Variants in SLAIN2 observed in about 807,000 individuals in gnomAD.
SLAIN2 encodes SLAIN family member 2.
A neutral mutation model predicts 56.6 loss-of-function variants in SLAIN2; 31 were observed. That is an observed-to-expected ratio of 0.55 (90% confidence interval 0.41 to 0.74). SLAIN2 has a LOEUF of 0.74. SLAIN2 is among the 30% of genes least tolerant of loss of function. SLAIN2 has a pLI of 0.00. For synonymous variants in SLAIN2, 317 were observed against 284.9 expected (o/e 1.11, Z -1.13); for missense variants, 777 against 754.2 (o/e 1.03, Z -0.35).
Position 48,369,972 on chromosome 4 carries a change from C to T in SLAIN2, c.513C>T (p.Ile171=). 6.2e-7 allele frequency: 1 copy of T among 1,613,598 alleles called. No homozygotes were observed. The change falls in exon 2 of 8, where the codon ATC becomes ATT. Residue 171 remains isoleucine, a synonymous_variant. Coordinates refer to ENST00000264313, the MANE Select transcript of SLAIN2 (RefSeq NM_020846.2). The part of the protein sequence containing the change: ...PDVECAKKSL[I]HKLDQTMSAL... ...TTGAGTGTGCTAAAAAATCTCTTAT[C>T]CACAAACTTGATCAAACTATGTCAG...
At chr4:48,385,370 G>A (rs1214980761) in intron 6 of SLAIN2, among the ~76,000 whole-genome samples, 1 of 152,158 alleles carries the variant, frequency 6.6e-6, no homozygotes, top group Non-Finnish European at 1.5e-5. Flanking sequence ...CACAAAGGGT[G>A]CATATTCACT....
At chr4:48,385,080 C>T (rs1397688546) in intron 6 of SLAIN2, among the ~76,000 whole-genome samples, 4 of 151,938 alleles carry the variant, frequency 2.6e-5, no homozygotes, top group South Asian at 2.1e-4. Context: ...GCAGCATAGA[C>T]GAAGATCAGA....
chr4:48,424,798 G>T lies in SLAIN2; in HGVS notation c.*2721G>T, dbSNP rs1294090061. The T allele has an allele frequency of 6.6e-6, 1 of 151,742 alleles. No homozygotes were observed. The highest frequency in any genetic ancestry group is 1.5e-5 in the Non-Finnish European group (1 of 67,872). 9.4% of individuals were successfully genotyped at this position (151,742 alleles called of 1,614,324 possible). ...AAAAAGTTTTTTTGAAAGAAAATTA[G>T]ATACATATGTGGCCCCAGATGTTTG... On this transcript the variant is annotated 3_prime_UTR_variant, in exon 8 of 8. Coordinates refer to ENST00000264313, the MANE Select transcript of SLAIN2 (RefSeq NM_020846.2).
In SLAIN2 at chr4:48,425,056, A is replaced by T. The variant is rs1350980059; in HGVS notation, c.*2979A>T. ...TGTTTAATTAATCTCTGGATATGGT[A>T]AGATTCCTTTTTTCCTCTCAGTTGC... On this transcript the variant is annotated 3_prime_UTR_variant, in exon 8 of 8. Transcript: ENST00000264313. 6.6e-6 allele frequency: 1 copy of T among 152,122 alleles called. No individual in the cohort carries two copies. Among genetic ancestry groups the T allele is most frequent in the Non-Finnish European group, 1.5e-5 (1 of 67,974 alleles). The allele number at this position is 152,122 out of a possible 1,614,324, so 9.4% of individuals were successfully genotyped here.
intron 3 of SLAIN2, among the ~76,000 whole-genome samples, chr4:48,378,553 T>C (rs1020708872): frequency 2.0e-5 from 3 of 152,198 alleles, no homozygotes; most frequent in Non-Finnish European, 4.4e-5. Context: ...GAGACTGTTA[T>C]TGTGTAGCTT....
Position 48,357,380 on chromosome 4 carries a change from T to G in SLAIN2, c.390-12469T>G, listed in dbSNP as rs528684629. On this transcript the variant is annotated intron_variant, in intron 1 of 7. Transcript: ENST00000264313. ...TAAAATGATTATATTTAAGTCTTTT[T>G]TTTTTTCCTCCTGTTTCAAGAGACA... Among the ~76,000 whole-genome samples, 11 of 152,148 alleles carry G rather than the reference T, an allele frequency of 7.2e-5. No individual in the cohort carries two copies. The South Asian group carries it at 2.3e-3, about 32-fold the overall frequency.
rs765620893 is a variant in SLAIN2, at chr4:48,420,186, A to G, written c.1422A>G (p.Pro474=). Residue 474 remains proline, a synonymous_variant, in exon 7 of 8, where the codon CCA becomes CCG. Coordinates refer to ENST00000264313, the MANE Select transcript of SLAIN2 (RefSeq NM_020846.2). ...CATCTCCTTTGGCTCTTCGGCAACCAGTGAAAGCATTTAGTAACCATGGCT... is the reference window on the plus strand; with the variant it reads ...CATCTCCTTTGGCTCTTCGGCAACCGGTGAAAGCATTTAGTAACCATGGCT... ...AAPSPLALRQ[P]VKAFSNHGSG... 1.2e-6 allele frequency: 2 copies of G among 1,613,962 alleles called. No homozygotes were observed. Among genetic ancestry groups the G allele is most frequent in the Admixed American group, 3.3e-5 (2 of 60,022 alleles).
intron 1 of SLAIN2, among the ~76,000 whole-genome samples, chr4:48,358,900 T>C (rs1270430171): frequency 6.6e-6 from 1 of 151,644 alleles, no homozygotes; most frequent in Non-Finnish European, 1.5e-5. Context: ...TTTGTATTTT[T>C]ACTAGAGATG....
intron 3 of SLAIN2, 25 bp from the exon 4 acceptor site, chr4:48,379,665 A>G: frequency 7.3e-7 from 1 of 1,377,186 alleles, no homozygotes; most frequent in Non-Finnish European, 9.5e-7. Flanking sequence ...CAGAGTTTGA[A>G]TTTTTTTCTT....
chr4:48,389,393 T>C (rs1716177063), intron 6 of SLAIN2, among the ~76,000 whole-genome samples: 1 of 152,204 alleles, frequency 6.6e-6, no homozygotes. Context: ...ATGCTTAGTA[T>C]AGAGTTCTGG....
chr4:48,416,648 ACTAT>A (rs1322320350), intron 6 of SLAIN2, among the ~76,000 whole-genome samples: 1 of 151,920 alleles, frequency 6.6e-6, no homozygotes, highest in Admixed American at 6.6e-5. Context: ...CAGTTTTCAA[ACTAT>A]CTCTCAGACC....
intron 1 of SLAIN2, among the ~76,000 whole-genome samples, chr4:48,344,464 T>C (rs970622644): frequency 6.6e-6 from 1 of 152,094 alleles, no homozygotes; most frequent in Non-Finnish European, 1.5e-5. Context: ...TCAATAAGTG[T>C]TATGTAGAAA....
At position 48,425,993 on chromosome 4, in the gene SLAIN2, GA is replaced by G. The variant is rs1717289471; in HGVS notation, c.*3919del. The G allele has an allele frequency of 6.6e-6, 1 of 152,014 alleles. No individual in the cohort carries two copies. The highest frequency in any genetic ancestry group is 2.4e-5 in the African/African-American group (1 of 41,408). The allele number at this position is 152,014 out of a possible 1,614,324, so 9.4% of individuals were successfully genotyped here. The stretch of plus-strand genomic sequence containing the variant: ...AAAAAAATCTGTTTCTTCTGATTTC[GA>G]AAGTAATAGAAACTCTGCTGTAGAA... On this transcript the variant is annotated 3_prime_UTR_variant, in exon 8 of 8. Transcript: ENST00000264313.
intron 6 of SLAIN2, among the ~76,000 whole-genome samples, chr4:48,390,645 A>G (rs1716217164): frequency 6.6e-6 from 1 of 152,246 alleles, no homozygotes; most frequent in South Asian, 2.1e-4. Context: ...TCAACATTAT[A>G]ATACAAAAAT....
chr4:48,404,024 C>T (rs1344288645), intron 6 of SLAIN2, among the ~76,000 whole-genome samples: 2 of 152,172 alleles, frequency 1.3e-5, no homozygotes, highest in Non-Finnish European at 1.5e-5. Context: ...TCTCCTGGCT[C>T]CATGCTGCAT....
intron 7 of SLAIN2, among the ~76,000 whole-genome samples, chr4:48,421,021 T>C (rs188865276): frequency 2.0e-5 from 3 of 152,074 alleles, no homozygotes; most frequent in African/African-American, 7.2e-5. Context: ...TGTTTTTGTT[T>C]TGTTTTTGTT....
At chr4:48,347,175 G>A (rs1450406974) in intron 1 of SLAIN2, among the ~76,000 whole-genome samples, 2 of 152,026 alleles carry the variant, frequency 1.3e-5, no homozygotes, top group Non-Finnish European at 2.9e-5. Context: ...AGTCACTGTG[G>A]TGTGCCCATG....
chr4:48,348,459 A>C (rs1034448379), intron 1 of SLAIN2, among the ~76,000 whole-genome samples: 43 of 152,128 alleles, frequency 2.8e-4, no homozygotes, highest in African/African-American at 1.0e-3. Context: ...AGGCCAAGGC[A>C]GACAGATCAC....
Position 48,422,830 on chromosome 4 carries a change from G to A in SLAIN2, c.*753G>A, listed in dbSNP as rs1717196040. 1 of 152,192 alleles carries A rather than the reference G, an allele frequency of 6.6e-6. No individual in the cohort carries two copies. The highest frequency in any genetic ancestry group is 2.4e-5 in the African/African-American group (1 of 41,440). The allele number at this position is 152,192 out of a possible 1,614,324, so 9.4% of individuals were successfully genotyped here. ...TGATTGCCAAAAGGGCTTAATATCAGTTGTACAATCTTTCTGAACTTTATA... is the reference window on the plus strand; with the variant it reads ...TGATTGCCAAAAGGGCTTAATATCAATTGTACAATCTTTCTGAACTTTATA... On this transcript the variant is annotated 3_prime_UTR_variant, in exon 8 of 8. Transcript: ENST00000264313.
Sources: gnomAD v4.1 joint callset for allele counts (sites outside exome capture counted in the v4.1 genomes callset) on GRCh38, gnomAD v4.1.1 for gene constraint, MANE v1.5 for transcripts, NCBI Gene and HGNC (gene_info 2026-07-23, HGNC 2026-07-21) for gene names.